Variants in CTU1 observed in about 807,000 individuals in gnomAD.
CTU1 encodes cytoplasmic tRNA 2-thiolation protein 1.
CTU1 carries 15 observed loss-of-function variants against 12.9 expected under a neutral mutation model. That is an observed-to-expected ratio of 1.16 (90% CI 0.78 to 1.79). The LOEUF is 1.79. Among genes scored for constraint, CTU1 ranks in the 40% most tolerant of loss-of-function variants. The pLI, the probability that CTU1 is intolerant of heterozygous loss-of-function variation, is 0.00. For synonymous variants in CTU1, 295 were observed against 275.6 expected (o/e 1.07, Z -0.70); for missense variants, 553 against 550.5 (o/e 1.00, Z -0.05).
intron 2 of CTU1, among the ~76,000 whole-genome samples, chr19:51,099,771 C>G: frequency 6.6e-6 from 1 of 152,134 alleles, no homozygotes; most frequent in Non-Finnish European, 1.5e-5. Flanking sequence ...TCTCCCCCAC[C>G]GCCTAGGGAA....
At position 51,104,480 on chromosome 19, in the gene CTU1, G is replaced by A; in HGVS notation, c.90C>T (p.Phe30=). 7.6e-7 allele frequency: 1 copy of A among 1,320,094 alleles called. No homozygotes were observed. 81.8% of individuals were successfully genotyped at this position (1,320,094 alleles called of 1,614,324 possible). ...GCACCTCGGCCTCGAAGGCGGCGCA[G>A]AAGCAGGCACCGCACAGCGCTTGGC... is the stretch of plus-strand genomic sequence containing the variant. ...LSGQALCGAC[F]CAAFEAEVLH... The change falls in exon 2 of 3, where the codon TTC becomes TTT. Residue 30 remains phenylalanine (F), a synonymous_variant. Transcript: ENST00000421832.
At position 51,103,970 on chromosome 19, in the gene CTU1, C is replaced by A. The variant is rs548565068; in HGVS notation, c.508+92G>T. The A allele has an allele frequency of 7.4e-4, 935 of 1,257,786 alleles. 8 individuals are homozygous for A. The highest frequency in any genetic ancestry group is 2.7e-4 in the Non-Finnish European group (267 of 972,668). 77.9% of individuals were successfully genotyped at this position (1,257,786 alleles called of 1,614,324 possible). On this transcript the variant is annotated intron_variant, in intron 2 of 2. Transcript: ENST00000421832. ...TCTCCTCGCCGCCTTCTGGAGCATG[C>A]GCCTGAATCCCCTTTCAGGTCCCGC... is the stretch of plus-strand genomic sequence containing the variant.
In CTU1 at chr19:51,098,869, G is replaced by T; in HGVS notation, c.779C>A (p.Pro260Gln). ...DLLKRLEAAR[P>Q]SAVLDLVHSA... is the part of the protein sequence containing the mutation. The stretch of plus-strand genomic sequence containing the variant: ...GTGCACGAGGTCCAGCACCGCGGAC[G>T]GCCGCGCCGCCTCCAGGCGCTTGAG... Residue 260 changes from proline (P) to glutamine (Q), a missense_variant, in exon 3 of 3, where the codon CCG becomes CAG. Coordinates refer to ENST00000421832, the MANE Select transcript of CTU1 (RefSeq NM_145232.4). This position sits in a 1 kb window ranked among gnomAD's most constrained non-coding sequence, Gnocchi z 4.3. The T allele has an allele frequency of 1.4e-6, 2 of 1,419,250 alleles. No individual in the cohort carries two copies. Among genetic ancestry groups the T allele is most frequent in the Non-Finnish European group, 1.8e-6 (2 of 1,082,530 alleles). 87.9% of individuals were successfully genotyped at this position (1,419,250 alleles called of 1,614,324 possible).
At chr19:51,100,934 C>CGTGT (rs71185800) in intron 2 of CTU1, among the ~76,000 whole-genome samples, 34,266 of 145,228 alleles carry the variant, frequency 0.24, 4,262 homozygotes, top group Non-Finnish European at 0.29. Context: ...TTTTATTGTG[C>CGTGT]GTGTGTGTGT....
chr19:51,099,225 A>G, intron 2 of CTU1, 86 bp from the exon 3 acceptor site: 1 of 1,241,130 alleles, frequency 8.1e-7, no homozygotes, highest in Non-Finnish European at 1.1e-6. Flanking sequence ...AGGGTCCACC[A>G]GGACCCAGAG....
In CTU1 at chr19:51,104,276, C is replaced by T. The variant is rs751326197; in HGVS notation, c.294G>A (p.Ala98=). The T allele has an allele frequency of 5.3e-6, 8 of 1,501,684 alleles. No individual in the cohort carries two copies. The Admixed American group carries it at 6.3e-5, about 12-fold the overall frequency. The allele number at this position is 1,501,684 out of a possible 1,614,324, so 93.0% of individuals were successfully genotyped here. ...CCGCCTGGCGCCGCACGGCCGCCAA[C>T]GCCGCGTCCCGGTAGCCACCGATGC... ...DEGIGGYRDA[A]LAAVRRQAAR... The change falls in exon 2 of 3, where the codon GCG becomes GCA. Residue 98 remains alanine, a synonymous_variant. Transcript: ENST00000421832.
Position 51,104,200 on chromosome 19 carries a change from C to A in CTU1, c.370G>T (p.Gly124Cys). ...TVVAYEDLFG[G>C]WTMDAVARST... is the part of the protein sequence containing the mutation. ...CGGGCCACGGCGTCCATCGTCCAGCCCCCAAAGAGGTCTTCGTAGGCCACG... is the reference window on the plus strand; with the variant it reads ...CGGGCCACGGCGTCCATCGTCCAGCACCCAAAGAGGTCTTCGTAGGCCACG... The change falls in exon 2 of 3, where the codon GGC becomes TGC. Residue 124 changes from glycine (G) to cysteine (C), a missense_variant. Gly to Cys is a radical substitution (Grantham distance 159). Coordinates refer to ENST00000421832, the MANE Select transcript of CTU1 (RefSeq NM_145232.4). 3 of 1,522,608 alleles carry A rather than the reference C, an allele frequency of 2.0e-6. No homozygotes were observed. Among genetic ancestry groups the A allele is most frequent in the Non-Finnish European group, 2.6e-6 (3 of 1,141,016 alleles). 94.3% of individuals were successfully genotyped at this position (1,522,608 alleles called of 1,614,324 possible).
chr19:51,099,882 C>A (rs2091903073), intron 2 of CTU1, among the ~76,000 whole-genome samples: 1 of 152,120 alleles, frequency 6.6e-6, no homozygotes, highest in South Asian at 2.1e-4. Context: ...GCTGACTTTA[C>A]AATAGGGACA....
Position 51,104,068 on chromosome 19 carries a change from C to T in CTU1, c.502G>A (p.Val168Met). The T allele has an allele frequency of 2.1e-6, 3 of 1,453,682 alleles. No homozygotes were observed. The highest frequency in any genetic ancestry group is 1.8e-6 in the Non-Finnish European group (2 of 1,116,588). The allele number at this position is 1,453,682 out of a possible 1,614,324, so 90.0% of individuals were successfully genotyped here. A position where few individuals can be genotyped will look rare whatever the true frequency, so the allele number is the denominator to read the frequency against. ...CGGCCCGTACTACGCTCACCTGTCA[C>T]GATGTGCGTGGCTCCCACGCGGCGC... ...GARRVGATHIVTGHNADDMAE... is the reference protein window; with the variant it reads ...GARRVGATHIMTGHNADDMAE... Residue 168 changes from valine to methionine, a missense_variant, in exon 2 of 3, where the codon GTG becomes ATG. Physicochemically the swap from Val to Met is conservative, Grantham distance 21. This residue lies in a region of CTU1 where 500 missense variants were observed against 458.5 expected (regional missense o/e 1.09). Transcript: ENST00000421832.
chr19:51,098,913 G>T lies in CTU1; in HGVS notation c.735C>A (p.Arg245=). Residue 245 remains arginine, a synonymous_variant, in exon 3 of 3, where the codon CGC becomes CGA. Transcript: ENST00000421832. This position sits in a 1 kb window ranked among gnomAD's most constrained non-coding sequence, Gnocchi z 4.3. ...GCTTGAGCAGGTCCCGGGCGTGGCC[G>T]CGGAAGGCCTCGGGCGCGTAGACGC... ...EECVYAPEAF[R]GHARDLLKRL... is the part of the protein sequence containing the mutation. 6.6e-7 allele frequency: 1 copy of T among 1,519,712 alleles called. No homozygotes were observed. Among genetic ancestry groups the T allele is most frequent in the East Asian group, 2.6e-5 (1 of 37,988 alleles). The allele number at this position is 1,519,712 out of a possible 1,614,324, so 94.1% of individuals were successfully genotyped here.
At position 51,099,083 on chromosome 19, in the gene CTU1, C is replaced by T. The variant is rs1325060563; in HGVS notation, c.565G>A (p.Ala189Thr). 3 of 1,539,092 alleles carry T rather than the reference C, an allele frequency of 1.9e-6. No individual in the cohort carries two copies. In the African/African-American group the frequency reaches 4.2e-5, roughly 21 times the overall value. The change falls in exon 3 of 3, where the codon GCG (alanine) becomes ACG (threonine). Residue 189 changes from alanine (A) to threonine (T), a missense_variant. Physicochemically the swap from Ala to Thr is moderately conservative, Grantham distance 58. Transcript: ENST00000421832. Reference sequence around the variant, plus strand: ...CCCCCGCCCCGGGCCAGCCGCCCCGCGTCGCCCCGTAGGAAGTTCATGAGC... The same window carrying T: ...CCCCCGCCCCGGGCCAGCCGCCCCGTGTCGCCCCGTAGGAAGTTCATGAGC... ...TVLMNFLRGD[A>T]GRLARGGGLG...
chr19:51,099,451 C>G (rs2091902028), intron 2 of CTU1, among the ~76,000 whole-genome samples: 1 of 151,828 alleles, frequency 6.6e-6, no homozygotes, highest in African/African-American at 2.4e-5. Flanking sequence ...AGGGCAAGAG[C>G]GAGCCATGGA....
At chr19:51,104,738 G>T (rs2091916322) in intron 1 of CTU1, 148 bp from the exon 2 acceptor site, 1 of 570,414 alleles carries the variant, frequency 1.8e-6, no homozygotes, top group Non-Finnish European at 2.6e-6. Context: ...TAGCGCTGGG[G>T]ATAGGATGGT....
At position 51,104,593 on chromosome 19, in the gene CTU1, A is replaced by G. The variant is rs1470940137; in HGVS notation, c.-21-3T>C. ...ATTGCGGGAGGGGTCGGCTTCTCCT[A>G]GACAGGGAGAGAGAGGAGGTGGGTT... On this transcript the variant is annotated splice_polypyrimidine_tract_variant and splice_region_variant and intron_variant, in intron 1 of 2. Transcript: ENST00000421832. The G allele has an allele frequency of 5.7e-6, 7 of 1,235,260 alleles. No individual in the cohort carries two copies. In the East Asian group the frequency reaches 1.9e-4, roughly 34 times the overall value. 76.5% of individuals were successfully genotyped at this position (1,235,260 alleles called of 1,614,324 possible).
In CTU1 at chr19:51,098,480, G is replaced by T; in HGVS notation, c.*121C>A. 1.0e-6 allele frequency: 1 copy of T among 973,056 alleles called. No individual in the cohort carries two copies. The highest frequency in any genetic ancestry group is 1.3e-6 in the Non-Finnish European group (1 of 762,814). The allele number at this position is 973,056 out of a possible 1,614,324, so 60.3% of individuals were successfully genotyped here. A position where few individuals can be genotyped will look rare whatever the true frequency, so the allele number is the denominator to read the frequency against. ...CTTCTTCAGGGTTTCAGGTGAATGGGCCCCCGTCTCCTTCCCAACCCCACA... is the reference window on the plus strand; with the variant it reads ...CTTCTTCAGGGTTTCAGGTGAATGGTCCCCCGTCTCCTTCCCAACCCCACA... On this transcript the variant is annotated 3_prime_UTR_variant, in exon 3 of 3. Transcript: ENST00000421832. The surrounding 1 kb of genome is among the most constrained non-coding windows in gnomAD (Gnocchi z 4.3).
Position 51,106,608 on chromosome 19 carries a change from C to T in CTU1, c.-22+1739G>A, listed in dbSNP as rs59999705. ...GTAACCTCTGCCTCCCAGGGTCAAG[C>T]GTTTCTCCTGCCTTAGCCACCCGAG... On this transcript the variant is annotated intron_variant, in intron 1 of 2. Coordinates refer to ENST00000421832, the MANE Select transcript of CTU1 (RefSeq NM_145232.4). 4.5e-3 allele frequency among the ~76,000 whole-genome samples: 687 copies of T among 151,984 alleles called. 6 individuals are homozygous for T. The highest frequency in any genetic ancestry group is 0.016 in the African/African-American group (651 of 41,452).
rs1287768795 is a variant in CTU1 at position 51,098,636 on chromosome 19, G to A, written c.1012C>T (p.Arg338Trp). ...ATPGTPGDPA[R>W]PPASKAVPTF ...GGGACGGCCTTGGAGGCGGGGGGCC[G>A]GGCCGGATCCCCGGGCGTCCCCGGC... The change falls in exon 3 of 3, where the codon CGG (arginine) becomes TGG (tryptophan). Residue 338 changes from arginine to tryptophan, a missense_variant. Arg to Trp is a moderately radical substitution (Grantham distance 101). This residue lies in a region of CTU1 where 53 missense variants were observed against 92.0 expected (regional missense o/e 0.58). Coordinates refer to ENST00000421832, the MANE Select transcript of CTU1 (RefSeq NM_145232.4). The surrounding 1 kb of genome is among the most constrained non-coding windows in gnomAD (Gnocchi z 4.3). The A allele has an allele frequency of 3.1e-6, 4 of 1,310,142 alleles. No individual in the cohort carries two copies. The highest frequency in any genetic ancestry group is 3.9e-6 in the Non-Finnish European group (4 of 1,028,588). 81.2% of individuals were successfully genotyped at this position (1,310,142 alleles called of 1,614,324 possible). A position where few individuals can be genotyped will look rare whatever the true frequency, so the allele number is the denominator to read the frequency against.
chr19:51,098,781 G>A lies in CTU1; in HGVS notation c.867C>T (p.Arg289=), dbSNP rs1031440244. The A allele has an allele frequency of 1.8e-4, 193 of 1,066,852 alleles. 4 individuals carry two copies. The South Asian group carries it at 7.7e-3, about 42-fold the overall frequency. The allele number at this position is 1,066,852 out of a possible 1,614,324, so 66.1% of individuals were successfully genotyped here. ...ARPPRPGACS[R]CGALASRALC... is the part of the protein sequence containing the mutation. ...GCGCGCGGCTGGCCAGCGCCCCACA[G>A]CGGGAGCAGGCGCCGGGGCGCGGGG... Residue 289 remains arginine, a synonymous_variant, in exon 3 of 3, where the codon CGC becomes CGT. Transcript: ENST00000421832. This position sits in a 1 kb window ranked among gnomAD's most constrained non-coding sequence, Gnocchi z 4.3.
At chr19:51,104,853 G>A (rs1012585797) in intron 1 of CTU1, among the ~76,000 whole-genome samples, 1 of 152,200 alleles carries the variant, frequency 6.6e-6, no homozygotes, top group Non-Finnish European at 1.5e-5. Context: ...TGGCTTCATG[G>A]GTAAAGAGAG....
Sources: gnomAD v4.1 joint callset for allele counts (sites outside exome capture counted in the v4.1 genomes callset) on GRCh38, gnomAD v4.1.1 for gene constraint, gnomAD v4.1.1 regional missense constraint, Gnocchi (gnomAD v3.1) non-coding constraint, MANE v1.5 for transcripts, NCBI Gene and HGNC (gene_info 2026-07-23, HGNC 2026-07-21) for gene names.